Variants in EYA4 observed in about 807,000 individuals in gnomAD.
The protein encoded by EYA4 is protein phosphatase EYA4.
EYA4 carries 31 observed loss-of-function variants against 87.9 expected under a neutral mutation model. The ratio of observed to expected loss-of-function variants is 0.35; its 90% CI spans 0.27 to 0.48. The LOEUF (loss-of-function observed/expected upper bound fraction) is 0.48, where lower values mean the gene tolerates loss of function less well. Ranked by LOEUF, EYA4 falls within the 20% of genes least tolerant of loss-of-function variation. The probability of loss-of-function intolerance (pLI) is 0.99; values close to 1 mark genes in which losing one functional copy is unlikely to be tolerated. For synonymous variants in EYA4, 263 were observed against 270.6 expected, an observed-to-expected ratio of 0.97 and a Z score of 0.28; for missense variants, 678 against 761.4, an observed-to-expected ratio of 0.89 and a Z score of 1.29.
intron 2 of EYA4, among the ~76,000 whole-genome samples, chr6:133,276,748 C>T (rs1777197263): frequency 6.6e-6 from 1 of 152,072 alleles, no homozygotes; most frequent in Non-Finnish European, 1.5e-5. Flanking sequence ...ATGCTTAGAA[C>T]TGTTAAATGA....
At chr6:133,315,373 T>A (rs1780544511) in intron 2 of EYA4, among the ~76,000 whole-genome samples, 1 of 152,322 alleles carries the variant, frequency 6.6e-6, no homozygotes, top group Admixed American at 6.5e-5. Flanking sequence ...AATTTCAACC[T>A]CAAGGTGAAA....
intron 13 of EYA4, among the ~76,000 whole-genome samples, chr6:133,488,103 T>G (rs1796834022): frequency 6.6e-6 from 1 of 152,198 alleles, no homozygotes; most frequent in Non-Finnish European, 1.5e-5. Flanking sequence ...ACACATTACT[T>G]GCCATGGGCC....
intron 3 of EYA4, among the ~76,000 whole-genome samples, chr6:133,398,831 A>G (rs1372217415): frequency 6.6e-6 from 1 of 152,178 alleles, no homozygotes; most frequent in Non-Finnish European, 1.5e-5. Context: ...GCCAAATCGT[A>G]TTTAGTAAAA....
At chr6:133,492,175 A>T (rs1055158284) in intron 13 of EYA4, among the ~76,000 whole-genome samples, 16 of 152,150 alleles carry the variant, frequency 1.1e-4, no homozygotes, top group East Asian at 5.8e-4. Context: ...CTACAGGCCA[A>T]TATCCTTGAT....
chr6:133,251,723 G>C (rs931568673), intron 1 of EYA4, among the ~76,000 whole-genome samples: 1 of 152,138 alleles, frequency 6.6e-6, no homozygotes, highest in Admixed American at 6.6e-5. Context: ...CCCTCCCCTG[G>C]TAATGATGGT....
intron 3 of EYA4, among the ~76,000 whole-genome samples, chr6:133,385,349 TA>T (rs1167036212): frequency 7.7e-6 from 1 of 130,230 alleles, no homozygotes; most frequent in South Asian, 2.3e-4. Flanking sequence ...TACATATATA[TA>T]TATTTTTTCT....
intron 3 of EYA4, among the ~76,000 whole-genome samples, chr6:133,428,911 C>CTTTTTTTGTTTTTTTTT (rs1790923040): frequency 4.1e-5 from 2 of 48,230 alleles, no homozygotes; most frequent in Non-Finnish European, 7.2e-5. Context: ...GATTTAGCTT[C>CTTTTTTTGTTTTTTTTT]TTTTTTTTTT....
chr6:133,285,228 C>A (rs1211539913), intron 2 of EYA4, among the ~76,000 whole-genome samples: 2 of 152,086 alleles, frequency 1.3e-5, no homozygotes, highest in Non-Finnish European at 2.9e-5. Flanking sequence ...AATCTCCTGA[C>A]CTTGTGATCT....
chr6:133,423,632 TATA>T (rs535181987), intron 3 of EYA4, among the ~76,000 whole-genome samples: 48 of 152,236 alleles, frequency 3.2e-4, no homozygotes, highest in Non-Finnish European at 5.9e-4. Flanking sequence ...AGTATAGTTT[TATA>T]ATATCATTAA....
intron 2 of EYA4, among the ~76,000 whole-genome samples, chr6:133,330,248 C>T (rs1781819432): frequency 6.6e-6 from 1 of 152,012 alleles, no homozygotes; most frequent in Non-Finnish European, 1.5e-5. Context: ...AGAAGACAAA[C>T]TAGATGCTTT....
intron 3 of EYA4, among the ~76,000 whole-genome samples, chr6:133,435,867 G>A (rs1171111090): frequency 1.3e-5 from 2 of 151,972 alleles, no homozygotes; most frequent in Non-Finnish European, 2.9e-5. Context: ...ACAAACATGT[G>A]TGCACACACA....
At chr6:133,362,366 GGTTT>G (rs1236822551) in intron 2 of EYA4, among the ~76,000 whole-genome samples, 7 of 152,048 alleles carry the variant, frequency 4.6e-5, no homozygotes, top group African/African-American at 1.7e-4. Context: ...TCCTAGAATG[GGTTT>G]GTAATGCTGA....
intron 17 of EYA4, among the ~76,000 whole-genome samples, chr6:133,517,697 G>T (rs1799722385): frequency 6.6e-6 from 1 of 152,122 alleles, no homozygotes; most frequent in African/African-American, 2.4e-5. Flanking sequence ...GGAAGCCATG[G>T]CAGCTTAGTT....
At chr6:133,450,186 C>T (rs954068790) in intron 5 of EYA4, among the ~76,000 whole-genome samples, 2 of 151,992 alleles carry the variant, frequency 1.3e-5, no homozygotes, top group African/African-American at 2.4e-5. Flanking sequence ...GGGGTTTCAC[C>T]GTGTTAGCCA....
chr6:133,516,887 T>C (rs1799645459), intron 17 of EYA4, among the ~76,000 whole-genome samples: 1 of 152,188 alleles, frequency 6.6e-6, no homozygotes, highest in Non-Finnish European at 1.5e-5. Flanking sequence ...ATGGTGTACA[T>C]GTACCACATT....
At chr6:133,402,621 G>A (rs1239524507) in intron 3 of EYA4, among the ~76,000 whole-genome samples, 1 of 151,900 alleles carries the variant, frequency 6.6e-6, no homozygotes, top group Non-Finnish European at 1.5e-5. Flanking sequence ...ATTTTGATGA[G>A]GCACTGTGGG....
At chr6:133,254,036 A>G (rs1462377472) in intron 1 of EYA4, among the ~76,000 whole-genome samples, 2 of 152,196 alleles carry the variant, frequency 1.3e-5, no homozygotes, top group African/African-American at 4.8e-5. Context: ...GCTTGTGGTC[A>G]TGAAAGCTGG....
chr6:133,394,136 C>T (rs933985125), intron 3 of EYA4, among the ~76,000 whole-genome samples: 4 of 152,114 alleles, frequency 2.6e-5, no homozygotes, highest in Non-Finnish European at 4.4e-5. Context: ...TGAAGTCTTT[C>T]AGGCATGCTT....
rs1800973576 is a variant in EYA4 at position 133,530,947 on chromosome 6, T to A, written c.*2142T>A. ...TGATTATCAGTACTTAATTATGTTG[T>A]GCACTAAAACCTTAAATATTTATTA... On this transcript the variant is annotated 3_prime_UTR_variant, in exon 20 of 20. Coordinates refer to ENST00000355286, the MANE Select transcript of EYA4 (RefSeq NM_004100.5). 8.3e-7 allele frequency: 1 copy of A among 1,209,308 alleles called. No individual in the cohort carries two copies. The highest frequency in any genetic ancestry group is 3.3e-4 in the Middle Eastern group (1 of 3,008). The allele number at this position is 1,209,308 out of a possible 1,614,324, so 74.9% of individuals were successfully genotyped here.
Sources: gnomAD v4.1 joint callset for allele counts (sites outside exome capture counted in the v4.1 genomes callset) on GRCh38, gnomAD v4.1.1 for gene constraint, MANE v1.5 for transcripts, NCBI Gene and HGNC (gene_info 2026-07-23, HGNC 2026-07-21) for gene names.